The following DPP8 variants were observed in gnomAD, a reference collection of about 807,000 sequenced individuals.
DPP8 encodes DPP VIII.
Under a neutral mutation model 107.5 loss-of-function variants are expected in DPP8, and 31 were observed. The ratio of observed to expected loss-of-function variants is 0.29; its 90% CI spans 0.22 to 0.39. The LOEUF (loss-of-function observed/expected upper bound fraction) is 0.39, where lower values mean the gene tolerates loss of function less well. Ranked by LOEUF, DPP8 falls within the 10% of genes least tolerant of loss-of-function variation. The probability of loss-of-function intolerance (pLI) is 1.00; values close to 1 mark genes in which losing one functional copy is unlikely to be tolerated. For synonymous variants in DPP8, 381 were observed against 356.6 expected (o/e 1.07, Z -0.77); for missense variants, 842 against 1,076.1 (o/e 0.78, Z 3.04).
In DPP8 at chr15:65,501,383, TTAACTA is replaced by T. The variant is rs1400144833; in HGVS notation, c.373-610_373-605del. ...GTTAGCATTCAAGACTTTCTACAAC[TTAACTA>T]TAATTTAGTAGCCAGCATGCAATTA... On this transcript the variant is annotated intron_variant, in intron 3 of 19. Coordinates refer to ENST00000300141, the MANE Select transcript of DPP8 (RefSeq NM_130434.5). Among the ~76,000 whole-genome samples, 3 of 152,302 alleles carry T rather than the reference TTAACTA, an allele frequency of 2.0e-5. No individual in the cohort carries two copies. The East Asian group carries it at 5.8e-4, about 29-fold the overall frequency.
intron 2 of DPP8, among the ~76,000 whole-genome samples, chr15:65,511,594 T>G (rs1240326594): frequency 1.4e-5 from 2 of 145,466 alleles, no homozygotes; most frequent in East Asian, 4.0e-4. Context: ...GAGCCATTAG[T>G]GTGCCACTGC....
At chr15:65,479,178 G>T in intron 10 of DPP8, 139 bp from the exon 11 acceptor site, 1 of 544,506 alleles carries the variant, frequency 1.8e-6, no homozygotes, top group Non-Finnish European at 2.9e-6. Context: ...TATATTTACA[G>T]TAATAAATTT....
chr15:65,466,611 GAC>G, intron 14 of DPP8, 65 bp downstream of exon 14: 1 of 1,389,242 alleles, frequency 7.2e-7, no homozygotes, highest in African/African-American at 1.4e-5. Context: ...GTGAAAATAT[GAC>G]ACACGTTTAG....
At chr15:65,486,934 T>C (rs1165632527) in intron 7 of DPP8, among the ~76,000 whole-genome samples, 3 of 151,894 alleles carry the variant, frequency 2.0e-5, no homozygotes, top group South Asian at 4.2e-4. Context: ...ACTAGAGAAC[T>C]TATCCATGTA....
intron 11 of DPP8, among the ~76,000 whole-genome samples, chr15:65,476,257 GAA>G (rs1253596756): frequency 2.6e-5 from 4 of 151,996 alleles, no homozygotes; most frequent in Non-Finnish European, 5.9e-5. Flanking sequence ...TTTTAAACTC[GAA>G]GAGCACAAAA....
chr15:65,470,017 C>CA (rs2065719009), intron 12 of DPP8, among the ~76,000 whole-genome samples: 1 of 149,298 alleles, frequency 6.7e-6, no homozygotes, highest in Non-Finnish European at 1.5e-5. Flanking sequence ...GCCAACATGG[C>CA]AAAACCCCAT....
At chr15:65,460,770 ATAATGCTGCTATGGC>A (rs1353386547) in intron 15 of DPP8, among the ~76,000 whole-genome samples, 3 of 152,228 alleles carry the variant, frequency 2.0e-5, no homozygotes, top group Non-Finnish European at 4.4e-5. Flanking sequence ...GCTATTGTGC[ATAATGCTGCTATGGC>A]TATGGCTGTA....
chr15:65,455,086 C>A (rs1780718586), intron 16 of DPP8, among the ~76,000 whole-genome samples: 2 of 152,110 alleles, frequency 1.3e-5, no homozygotes, highest in South Asian at 2.1e-4. Context: ...CCTTCCTATA[C>A]CCAAAGACAA....
chr15:65,516,025 G>C lies in DPP8; in HGVS notation c.-12+1461C>G, dbSNP rs556048516. On this transcript the variant is annotated intron_variant, in intron 1 of 19. Coordinates refer to ENST00000300141, the MANE Select transcript of DPP8 (RefSeq NM_130434.5). The stretch of plus-strand genomic sequence containing the variant: ...ATAGTCAAAAGAATATCCTAACATA[G>C]CAAACTTTGGTGTCCAGACAAAGGA... The C allele has an allele frequency of 8.5e-5, 34 of 400,334 alleles. 1 individual carries two copies. In the South Asian group the frequency reaches 3.3e-3, roughly 38 times the overall value. 24.8% of individuals were successfully genotyped at this position (400,334 alleles called of 1,614,324 possible).
chr15:65,508,264 T>C (rs2070322756), intron 2 of DPP8, among the ~76,000 whole-genome samples: 2 of 152,112 alleles, frequency 1.3e-5, no homozygotes, highest in East Asian at 1.9e-4. Context: ...TCTGTAACTA[T>C]AATCATTAAT....
intron 7 of DPP8, among the ~76,000 whole-genome samples, chr15:65,485,544 C>CAAAAAAAAAAAAAAAAAAAAAAA: frequency 1.6e-5 from 1 of 61,282 alleles, no homozygotes; most frequent in Non-Finnish European, 3.4e-5. Context: ...GACTCCATCT[C>CAAAAAAAAAAAAAAAAAAAAAAA]AAAAAAAAAA....
chr15:65,449,687 G>A (rs905824362), intron 19 of DPP8, among the ~76,000 whole-genome samples: 5 of 152,122 alleles, frequency 3.3e-5, no homozygotes, highest in African/African-American at 1.2e-4. Context: ...TGGGATTACA[G>A]GCGTGAGCCA....
At chr15:65,499,380 G>A (rs764437675) in intron 4 of DPP8, among the ~76,000 whole-genome samples, 18 of 151,694 alleles carry the variant, frequency 1.2e-4, no homozygotes, top group South Asian at 1.0e-3. Context: ...CTACAGGTGC[G>A]CCTGCCTAAT....
At chr15:65,496,932 C>T (rs1425604032) in intron 5 of DPP8, among the ~76,000 whole-genome samples, 1 of 152,116 alleles carries the variant, frequency 6.6e-6, no homozygotes, top group East Asian at 1.9e-4. Flanking sequence ...CTCTCTTGCC[C>T]AGGCTGGAGT....
At chr15:65,447,122 T>C (rs1462738108) in intron 19 of DPP8, 116 bp from the exon 20 acceptor site, 8 of 686,664 alleles carry the variant, frequency 1.2e-5, no homozygotes, top group Non-Finnish European at 1.8e-5. Flanking sequence ...ACAGCCTCTA[T>C]GCAATATTGT....
rs779913180 is a variant in DPP8 at position 65,515,737 on chromosome 15, C to T, written c.-12+1749G>A. 5 of 1,556,862 alleles carry T rather than the reference C, an allele frequency of 3.2e-6. No individual in the cohort carries two copies. The South Asian group carries it at 5.6e-5, about 17-fold the overall frequency. On this transcript the variant is annotated intron_variant, in intron 1 of 19. Transcript: ENST00000300141. ...GTGACTCGACTTCAAGCATAGAATC[C>T]CTCTGCTCATCCTGCTCTTCTCACA...
At chr15:65,475,327 GC>G in intron 11 of DPP8, 1 of 1,063,028 alleles carries the variant, frequency 9.4e-7, no homozygotes, top group South Asian at 1.3e-5. Context: ...GTCAGCTGCT[GC>G]CCCGAGCCAG....
intron 7 of DPP8, among the ~76,000 whole-genome samples, chr15:65,486,268 G>A (rs1232732176): frequency 2.6e-5 from 4 of 151,596 alleles, no homozygotes; most frequent in African/African-American, 7.3e-5. Context: ...CAGGTGTGGC[G>A]GCGGGCGCCT....
Position 65,442,845 on chromosome 15 carries a change from A to C in DPP8, c.*4039T>G, listed in dbSNP as rs1012154006. ...GGCTAGGTGAGGCTGGGAAGGTGGG[A>C]ATCAAAAAAGTTTCCTTTTTCCTTT... On this transcript the variant is annotated 3_prime_UTR_variant, in exon 20 of 20. Transcript: ENST00000300141. The C allele has an allele frequency of 3.9e-5, 6 of 152,222 alleles. No homozygotes were observed. The highest frequency in any genetic ancestry group is 1.4e-4 in the African/African-American group (6 of 41,450). 9.4% of individuals were successfully genotyped at this position (152,222 alleles called of 1,614,324 possible). A position where few individuals can be genotyped will look rare whatever the true frequency, so the allele number is the denominator to read the frequency against.
Sources: gnomAD v4.1 joint callset for allele counts (sites outside exome capture counted in the v4.1 genomes callset) on GRCh38, gnomAD v4.1.1 for gene constraint, MANE v1.5 for transcripts, NCBI Gene and HGNC (gene_info 2026-07-23, HGNC 2026-07-21) for gene names.